Variants in MLIP observed in about 807,000 individuals in gnomAD.
MLIP encodes the protein muscular LMNA interacting protein.
Under a neutral mutation model 84.8 loss-of-function variants are expected in MLIP, and 79 were observed. The ratio of observed to expected loss-of-function variants is 0.93; its 90% CI spans 0.78 to 1.12. The LOEUF is 1.12. Among genes scored for constraint, MLIP ranks in the 50% most tolerant of loss-of-function variants. The pLI is 0.00. For synonymous variants in MLIP, 504 were observed against 463.0 expected, an observed-to-expected ratio of 1.09 and a Z score of -1.14; for missense variants, 1,257 against 1,160.6, an observed-to-expected ratio of 1.08 and a Z score of -1.21.
chr6:54,065,089 T>A (rs1766172881), intron 1 of MLIP, among the ~76,000 whole-genome samples: 1 of 99,966 alleles, frequency 1.0e-5, no homozygotes, highest in African/African-American at 2.6e-5. Flanking sequence ...TTCATTTAGA[T>A]TTTTGGTCTA....
intron 11 of MLIP, among the ~76,000 whole-genome samples, chr6:54,212,817 A>C (rs184533642): frequency 2.3e-4 from 35 of 152,364 alleles, no homozygotes; most frequent in African/African-American, 7.7e-4. Flanking sequence ...AAAGATGATT[A>C]AATACACACA....
At chr6:54,081,430 A>G (rs1053046990) in intron 1 of MLIP, among the ~76,000 whole-genome samples, 1 of 152,038 alleles carries the variant, frequency 6.6e-6, no homozygotes, top group African/African-American at 2.4e-5. Context: ...TATTTGAGAC[A>G]GAGTTTCGTT....
chr6:54,146,767 C>A (rs1206799655), intron 4 of MLIP, among the ~76,000 whole-genome samples: 1 of 152,094 alleles, frequency 6.6e-6, no homozygotes, highest in East Asian at 1.9e-4. Context: ...ACAGGCTTTC[C>A]CAGCTATATT....
At chr6:54,198,664 G>T (rs540544395) in intron 10 of MLIP, among the ~76,000 whole-genome samples, 38 of 152,190 alleles carry the variant, frequency 2.5e-4, no homozygotes, top group African/African-American at 8.7e-4. Flanking sequence ...TTCAACAGAA[G>T]GTCTACACAG....
chr6:54,081,083 A>G (rs1366798099), intron 1 of MLIP, among the ~76,000 whole-genome samples: 2 of 151,776 alleles, frequency 1.3e-5, no homozygotes, highest in African/African-American at 4.8e-5. Context: ...TTATTGTTGT[A>G]TTTTTCAGAT....
intron 1 of MLIP, among the ~76,000 whole-genome samples, chr6:54,105,276 T>C (rs1416304882): frequency 4.6e-5 from 7 of 152,180 alleles, no homozygotes; most frequent in African/African-American, 1.7e-4. Context: ...CTCCTTTCTT[T>C]AGCCCGTATA....
At chr6:54,175,948 T>C (rs967798224) in intron 9 of MLIP, among the ~76,000 whole-genome samples, 1 of 152,094 alleles carries the variant, frequency 6.6e-6, no homozygotes, top group South Asian at 2.1e-4. Context: ...CATGAAGGGA[T>C]GTTGAATTTT....
At chr6:54,105,765 G>T (rs1023793503) in intron 1 of MLIP, among the ~76,000 whole-genome samples, 1 of 152,116 alleles carries the variant, frequency 6.6e-6, no homozygotes, top group African/African-American at 2.4e-5. Flanking sequence ...GGAAATGAAG[G>T]CATGGTAACC....
intron 1 of MLIP, among the ~76,000 whole-genome samples, chr6:54,080,231 C>A (rs763353468): frequency 1.3e-5 from 2 of 152,146 alleles, no homozygotes; most frequent in African/African-American, 4.8e-5. Flanking sequence ...TGCAAATGTA[C>A]CTTACTGTAT....
In MLIP at chr6:54,038,229, G is replaced by T. The variant is rs964033615; in HGVS notation, c.63+19138G>T. On this transcript the variant is annotated intron_variant, in intron 1 of 12. Transcript: ENST00000274897. Reference sequence around the variant, plus strand: ...TTAAGGTTGTTAGTTTCACAGTGAGGTTTCCCCTTATGTTTGATCAGAAGG... The same window carrying T: ...TTAAGGTTGTTAGTTTCACAGTGAGTTTTCCCCTTATGTTTGATCAGAAGG... 4.6e-5 allele frequency among the ~76,000 whole-genome samples: 7 copies of T among 151,990 alleles called. 1 individual carries two copies. In the South Asian group the frequency reaches 1.5e-3, roughly 32 times the overall value.
At chr6:54,251,908 TATAATATATAA>T (rs1782577456) in intron 12 of MLIP, among the ~76,000 whole-genome samples, 2 of 72,588 alleles carry the variant, frequency 2.8e-5, no homozygotes, top group Non-Finnish European at 4.1e-5. Context: ...TATTATAACA[TATAATATATAA>T]TATAAATATA....
At chr6:54,087,441 A>C (rs1767572314) in intron 1 of MLIP, among the ~76,000 whole-genome samples, 1 of 152,214 alleles carries the variant, frequency 6.6e-6, no homozygotes, top group South Asian at 2.1e-4. Context: ...AAGTGTTTCA[A>C]GAAAAAGAAA....
chr6:54,242,603 G>A (rs1781811444), intron 12 of MLIP, among the ~76,000 whole-genome samples: 1 of 152,116 alleles, frequency 6.6e-6, no homozygotes, highest in South Asian at 2.1e-4. Context: ...CTGGAGAAAG[G>A]AAAATCAGAA....
At chr6:54,027,365 TA>T (rs1308410841) in intron 1 of MLIP, among the ~76,000 whole-genome samples, 45 of 131,804 alleles carry the variant, frequency 3.4e-4, no homozygotes, top group Middle Eastern at 7.2e-3. Flanking sequence ...TTATTTGGAA[TA>T]AAAAAAATAC....
intron 11 of MLIP, among the ~76,000 whole-genome samples, chr6:54,225,353 T>A (rs1562079339): frequency 6.6e-6 from 1 of 152,170 alleles, no homozygotes. Flanking sequence ...TAGGCAACTG[T>A]CACACAGTGG....
intron 1 of MLIP, among the ~76,000 whole-genome samples, chr6:54,052,457 AAC>A: frequency 6.6e-6 from 1 of 152,324 alleles, no homozygotes; most frequent in East Asian, 1.9e-4. Flanking sequence ...TATGTTTAAT[AAC>A]ACTGATTTTA....
intron 12 of MLIP, among the ~76,000 whole-genome samples, chr6:54,232,161 T>C (rs1183388253): frequency 6.6e-6 from 1 of 152,108 alleles, no homozygotes; most frequent in Non-Finnish European, 1.5e-5. Context: ...TCTGATTTAA[T>C]ATTTGCCAAC....
intron 13 of MLIP, among the ~76,000 whole-genome samples, chr6:54,258,775 C>A (rs974466078): frequency 6.6e-6 from 1 of 151,970 alleles, no homozygotes; most frequent in Non-Finnish European, 1.5e-5. Context: ...GATGAGGAAA[C>A]TAAAGCTGCA....
At chr6:54,128,991 C>T (rs1043948620) in intron 3 of MLIP, among the ~76,000 whole-genome samples, 1 of 151,638 alleles carries the variant, frequency 6.6e-6, no homozygotes, top group Admixed American at 6.6e-5. Flanking sequence ...ACACCTTTTT[C>T]AAATGTAGCT....
Sources: allele counts gnomAD v4.1 joint callset (sites outside exome capture counted in the v4.1 genomes callset), GRCh38; gene constraint gnomAD v4.1.1; transcripts MANE v1.5; gene names NCBI Gene and HGNC (gene_info 2026-07-23, HGNC 2026-07-21).